MAP4K3: variants seen among roughly 807,000 people sequenced by gnomAD.
MAP4K3 encodes MAPK/ERK kinase kinase kinase 3.
Under a neutral mutation model 143.5 loss-of-function variants are expected in MAP4K3, and 94 were observed. The observed-to-expected ratio is 0.65, with a 90% confidence interval of 0.55 to 0.78. The LOEUF is 0.78. MAP4K3 is among the 30% of genes least tolerant of loss of function. The pLI is 0.00. For missense variants in MAP4K3, 1,077 were observed against 1,068.1 expected (o/e 1.01, Z -0.12); for synonymous variants, 416 against 347.2 (o/e 1.20, Z -2.20).
intron 31 of MAP4K3, among the ~76,000 whole-genome samples, chr2:39,254,778 C>T (rs1028372448): frequency 1.3e-5 from 2 of 152,050 alleles, no homozygotes; most frequent in Admixed American, 1.3e-4. Flanking sequence ...TGGGTTTTTA[C>T]TTTGTTGGCC....
intron 20 of MAP4K3, among the ~76,000 whole-genome samples, chr2:39,287,204 A>G (rs190048585): frequency 6.6e-6 from 1 of 152,192 alleles, no homozygotes; most frequent in African/African-American, 2.4e-5. Context: ...AAGTGCATGT[A>G]TTTGTTAGCA....
chr2:39,392,616 T>C (rs950871253), intron 1 of MAP4K3, among the ~76,000 whole-genome samples: 2 of 152,216 alleles, frequency 1.3e-5, no homozygotes, highest in Non-Finnish European at 2.9e-5. Context: ...GCTGTCACTA[T>C]GGTCTGAATG....
At position 39,315,447 on chromosome 2, in the gene MAP4K3, C is replaced by T. The variant is rs1046665965; in HGVS notation, c.919-59G>A. The stretch of plus-strand genomic sequence containing the variant: ...TTGATAATCAAGTCATAGTTTGGTC[C>T]ACAAAATTACCCAAATAGGAAAAAA... On this transcript the variant is annotated intron_variant, in intron 12 of 33. Transcript: ENST00000263881. The T allele has an allele frequency of 9.7e-6, 11 of 1,131,126 alleles. No individual in the cohort carries two copies. The African/African-American group carries it at 1.1e-4, about 11-fold the overall frequency. The allele number at this position is 1,131,126 out of a possible 1,614,324, so 70.1% of individuals were successfully genotyped here.
intron 22 of MAP4K3, among the ~76,000 whole-genome samples, chr2:39,280,583 A>G (rs1681474887): frequency 6.7e-6 from 1 of 149,210 alleles, no homozygotes; most frequent in Non-Finnish European, 1.5e-5. Flanking sequence ...GAAAAAAGAG[A>G]AAAAAAAAAG....
intron 1 of MAP4K3, among the ~76,000 whole-genome samples, chr2:39,400,875 T>C (rs532317138): frequency 3.3e-5 from 5 of 152,236 alleles, no homozygotes; most frequent in Admixed American, 3.3e-4. Context: ...GCTTTAAAAA[T>C]GAACAAAACA....
chr2:39,259,433 C>T (rs1167956837), intron 29 of MAP4K3, among the ~76,000 whole-genome samples: 2 of 152,098 alleles, frequency 1.3e-5, no homozygotes, highest in African/African-American at 2.4e-5. Flanking sequence ...TACCAATACC[C>T]CTAGTGAAGT....
intron 12 of MAP4K3, among the ~76,000 whole-genome samples, chr2:39,320,565 C>G (rs902239468): frequency 6.6e-6 from 1 of 151,476 alleles, no homozygotes; most frequent in African/African-American, 2.4e-5. Flanking sequence ...ATTTTCTTTC[C>G]TTTTACTTTA....
At chr2:39,269,677 T>C (rs137943592) in intron 26 of MAP4K3, among the ~76,000 whole-genome samples, 7 of 152,080 alleles carry the variant, frequency 4.6e-5, no homozygotes, top group Non-Finnish European at 7.4e-5. Context: ...CAAAAACTGT[T>C]ACCTCTTTTT....
intron 12 of MAP4K3, 47 bp downstream of exon 12, chr2:39,325,471 T>C: frequency 7.7e-7 from 1 of 1,297,968 alleles, no homozygotes; most frequent in South Asian, 1.2e-5. Context: ...CATATATACA[T>C]ACACATATAC....
intron 16 of MAP4K3, among the ~76,000 whole-genome samples, chr2:39,296,553 T>C (rs926052587): frequency 9.9e-5 from 15 of 152,176 alleles, no homozygotes; most frequent in Non-Finnish European, 2.1e-4. Context: ...CAAACAGATA[T>C]GGCAGAGGTC....
intron 1 of MAP4K3, among the ~76,000 whole-genome samples, chr2:39,426,841 G>A (rs1665103422): frequency 6.6e-6 from 1 of 151,904 alleles, no homozygotes; most frequent in Admixed American, 6.6e-5. Context: ...GAGAAGTCAT[G>A]GAGAACTATA....
rs528217305 is a variant in MAP4K3, at chr2:39,303,933, T to C, written c.1119+4010A>G. 9.2e-4 allele frequency among the ~76,000 whole-genome samples: 140 copies of C among 151,936 alleles called. 1 individual carries two copies. Among genetic ancestry groups the C allele is most frequent in the African/African-American group, 3.0e-3 (124 of 41,318 alleles). ...TAAAACTATGCAAATTAGAAAAAAA[T>C]AGCATCAGTTAAGACGGATGTGTAA... On this transcript the variant is annotated intron_variant, in intron 15 of 33. Transcript: ENST00000263881.
chr2:39,254,216 A>C (rs1192117289), intron 32 of MAP4K3, among the ~76,000 whole-genome samples: 1 of 152,224 alleles, frequency 6.6e-6, no homozygotes, highest in East Asian at 1.9e-4. Context: ...TCTTGTTCTA[A>C]ATTTCAGACT....
intron 1 of MAP4K3, among the ~76,000 whole-genome samples, chr2:39,431,949 G>A (rs539080194): frequency 5.3e-5 from 8 of 152,254 alleles, no homozygotes; most frequent in Admixed American, 1.3e-4. Context: ...GTGCTACAGA[G>A]GTCGGTTGTG....
At chr2:39,432,689 T>C (rs550965782) in intron 1 of MAP4K3, among the ~76,000 whole-genome samples, 3 of 152,358 alleles carry the variant, frequency 2.0e-5, no homozygotes, top group Admixed American at 6.5e-5. Flanking sequence ...TGATATTAAA[T>C]AGAACACCTT....
intron 21 of MAP4K3, among the ~76,000 whole-genome samples, chr2:39,285,611 T>C (rs530936082): frequency 6.2e-4 from 94 of 152,234 alleles, no homozygotes; most frequent in Admixed American, 1.9e-3. Flanking sequence ...ATATGTCATA[T>C]TGTATAGTGA....
intron 21 of MAP4K3, among the ~76,000 whole-genome samples, chr2:39,284,642 G>A (rs1054868114): frequency 2.6e-5 from 4 of 151,760 alleles, no homozygotes; most frequent in East Asian, 2.0e-4. Context: ...TCAAGGATTC[G>A]AGACCAGCCT....
At chr2:39,411,427 T>C (rs1030975333) in intron 1 of MAP4K3, among the ~76,000 whole-genome samples, 5 of 152,318 alleles carry the variant, frequency 3.3e-5, no homozygotes, top group African/African-American at 1.2e-4. Flanking sequence ...AAGAATGGTG[T>C]ATGGTTTCAG....
Position 39,286,960 on chromosome 2 carries a change from A to G in MAP4K3, c.1479T>C (p.Asn493=). The G allele has an allele frequency of 1.3e-6, 2 of 1,579,820 alleles. No homozygotes were observed. The highest frequency in any genetic ancestry group is 8.7e-7 in the Non-Finnish European group (1 of 1,154,816). ...CATTTAACTGGAAGGAGCTCATTCC[A>G]TTTCCTTCAATAAGATATATTCATT... ...LPPHKPVALG[N]GMSSFQLNGE... is the part of the protein sequence containing the mutation. The change falls in exon 21 of 34, where the codon AAT becomes AAC. Residue 493 remains asparagine, a synonymous_variant. Transcript: ENST00000263881.
Sources: allele counts gnomAD v4.1 joint callset (sites outside exome capture counted in the v4.1 genomes callset), GRCh38; gene constraint gnomAD v4.1.1; transcripts MANE v1.5; gene names NCBI Gene and HGNC (gene_info 2026-07-23, HGNC 2026-07-21).